The following MAPK6 variants were observed in gnomAD, a reference collection of about 807,000 sequenced individuals.
The protein encoded by MAPK6 is mitogen-activated protein kinase 6, also known as ERK-3.
A neutral mutation model predicts 59.3 loss-of-function variants in MAPK6; 19 were observed. The observed-to-expected ratio is 0.32, with a 90% confidence interval of 0.22 to 0.47. MAPK6 has a LOEUF of 0.47. MAPK6 is among the 20% of genes least tolerant of loss of function. The pLI is 1.00. For missense variants in MAPK6, 724 were observed against 847.9 expected, an observed-to-expected ratio of 0.85 and a Z score of 1.81; for synonymous variants, 316 against 290.3, an observed-to-expected ratio of 1.09 and a Z score of -0.90.
chr15:52,050,175 A>G lies in MAPK6; in HGVS notation c.700+38A>G, dbSNP rs544199006. The G allele has an allele frequency of 1.8e-5, 29 of 1,571,722 alleles. 1 individual carries two copies. The Admixed American group carries it at 6.1e-4, about 33-fold the overall frequency. ...TGGGGGGAAAAATTTTCCCAAAGAG[A>G]AGTAATTTTGCATTTTATCTCTGAA... On this transcript the variant is annotated intron_variant, in intron 3 of 5. Coordinates refer to ENST00000261845, the MANE Select transcript of MAPK6 (RefSeq NM_002748.4).
intron 2 of MAPK6, among the ~76,000 whole-genome samples, chr15:52,002,518 T>A (rs892779791): frequency 3.8e-4 from 58 of 152,134 alleles, no homozygotes; most frequent in African/African-American, 1.4e-3. Context: ...GGAGGGCCCT[T>A]GGGATCGACA....
intron 1 of MAPK6, among the ~76,000 whole-genome samples, chr15:51,972,715 G>T (rs1364038545): frequency 1.3e-5 from 2 of 150,544 alleles, no homozygotes; most frequent in Non-Finnish European, 3.0e-5. Flanking sequence ...CCAGCTACTA[G>T]GGAGGATGAG....
At chr15:52,047,067 A>G in intron 2 of MAPK6, 52 bp downstream of exon 2, 1 of 1,255,208 alleles carries the variant, frequency 8.0e-7, no homozygotes, top group Non-Finnish European at 1.1e-6. Context: ...ACACCTAATC[A>G]GGAATAGGTA....
At chr15:52,054,579 A>G (rs1456525199) in intron 3 of MAPK6, among the ~76,000 whole-genome samples, 1 of 152,144 alleles carries the variant, frequency 6.6e-6, no homozygotes, top group African/African-American at 2.4e-5. Flanking sequence ...ATGTGTTAGA[A>G]GTGAGTCACT....
intron 4 of MAPK6, among the ~76,000 whole-genome samples, chr15:52,060,149 A>C (rs2032143836): frequency 6.6e-6 from 1 of 152,176 alleles, no homozygotes; most frequent in African/African-American, 2.4e-5. Flanking sequence ...TGAGGCAGGA[A>C]GATTCCTTGA....
chr15:51,995,927 CA>C (rs11449755), intron 2 of MAPK6, among the ~76,000 whole-genome samples: 3 of 149,254 alleles, frequency 2.0e-5, no homozygotes, highest in South Asian at 4.2e-4. Context: ...GATTCCGTTT[CA>C]AAAAAAAAGA....
chr15:52,067,148 C>T lies in MAPK6; in HGVS notation c.*2148C>T, dbSNP rs1324713614. The T allele has an allele frequency of 6.6e-6, 1 of 152,146 alleles. No individual in the cohort carries two copies. The highest frequency in any genetic ancestry group is 1.5e-5 in the Non-Finnish European group (1 of 68,020). The allele number at this position is 152,146 out of a possible 1,614,324, so 9.4% of individuals were successfully genotyped here. ...ACCTAGGATTTTTCTTACTGGGAAA[C>T]TTGGCTCCTGGACTTAATCCACATT... On this transcript the variant is annotated 3_prime_UTR_variant, in exon 6 of 6. Coordinates refer to ENST00000261845, the MANE Select transcript of MAPK6 (RefSeq NM_002748.4).
chr15:51,979,188 G>A (rs2057165764), intron 1 of MAPK6, among the ~76,000 whole-genome samples: 4 of 140,880 alleles, frequency 2.8e-5, no homozygotes, highest in Admixed American at 7.5e-5. Flanking sequence ...AAGGAAGGAG[G>A]GAAAAGAGAA....
chr15:51,980,607 T>C (rs1431225851), intron 1 of MAPK6, among the ~76,000 whole-genome samples: 1 of 150,496 alleles, frequency 6.6e-6, no homozygotes, highest in African/African-American at 2.4e-5. Flanking sequence ...AGCTATTTTT[T>C]TTAGACAGAG....
At chr15:52,016,052 T>TCGCGCGCG (rs376275284), upstream of MAPK6, among the ~76,000 whole-genome samples, 183 of 68,640 alleles carry the variant, frequency 2.7e-3, 5 homozygotes, top group South Asian at 6.7e-3. Context: ...CCAAACTCCA[T>TCGCGCGCG]CGCGCGCGCG....
rs1566916273 is a variant in MAPK6 at position 52,064,379 on chromosome 15, T to G, written c.1545T>G (p.Ala515=). The change falls in exon 6 of 6, where the codon GCT becomes GCG. Residue 515 remains alanine, a synonymous_variant. Coordinates refer to ENST00000261845, the MANE Select transcript of MAPK6 (RefSeq NM_002748.4). ...IALEEASQQL[A]GKEREKNQGF... ...TAGAGGAAGCATCACAGCAACTGGC[T>G]GGAAAAGAAAGGGAAAAGAATCAGG... 2 of 1,611,906 alleles carry G rather than the reference T, an allele frequency of 1.2e-6. No individual in the cohort carries two copies. Among genetic ancestry groups the G allele is most frequent in the Non-Finnish European group, 1.7e-6 (2 of 1,179,818 alleles).
intron 2 of MAPK6, among the ~76,000 whole-genome samples, chr15:51,985,768 C>G (rs2057189157): frequency 6.6e-6 from 1 of 152,090 alleles, no homozygotes; most frequent in Non-Finnish European, 1.5e-5. Context: ...ACCATCCTGG[C>G]TAACACGGTG....
At chr15:51,983,433 C>T (rs567145893) in intron 2 of MAPK6, among the ~76,000 whole-genome samples, 1 of 152,180 alleles carries the variant, frequency 6.6e-6, no homozygotes, top group Non-Finnish European at 1.5e-5. Flanking sequence ...GAGCAGAGAT[C>T]ACGCCATTGC....
At chr15:51,995,634 AC>A (rs1465189621) in intron 2 of MAPK6, among the ~76,000 whole-genome samples, 1 of 152,202 alleles carries the variant, frequency 6.6e-6, no homozygotes, top group African/African-American at 2.4e-5. Flanking sequence ...ATCAAAACTT[AC>A]AGGCTTTCTA....
chr15:51,992,306 T>TATATATATA (rs369567502), intron 2 of MAPK6, among the ~76,000 whole-genome samples: 350 of 17,188 alleles, frequency 0.02, no homozygotes, highest in African/African-American at 0.032. Context: ...TATATATATA[T>TATATATATA]TTTTTTTTTT....
At chr15:52,033,881 CA>C in intron 1 of MAPK6, 1 of 148,994 alleles carries the variant, frequency 6.7e-6, no homozygotes, top group Admixed American at 6.7e-5. Context: ...TTCTGTTTTT[CA>C]TTGTTTCTAG....
At chr15:52,011,814 C>T (rs986710039) in intron 3 of MAPK6, among the ~76,000 whole-genome samples, 1 of 152,174 alleles carries the variant, frequency 6.6e-6, no homozygotes, top group Non-Finnish European at 1.5e-5. Flanking sequence ...TGTTTATTTA[C>T]AAATCAAATT....
intron 1 of MAPK6, among the ~76,000 whole-genome samples, chr15:52,042,995 C>T (rs982743525): frequency 1.3e-5 from 2 of 151,974 alleles, no homozygotes; most frequent in African/African-American, 4.8e-5. Context: ...GTGGTGACTC[C>T]TGCCTGTAGT....
chr15:51,978,137 A>ATTT (rs35197355), intron 1 of MAPK6, among the ~76,000 whole-genome samples: 3 of 147,360 alleles, frequency 2.0e-5, no homozygotes, highest in Non-Finnish European at 3.0e-5. Context: ...TGACAGTTTA[A>ATTT]TTTTTTTTTT....
Sources: allele counts gnomAD v4.1 joint callset (sites outside exome capture counted in the v4.1 genomes callset), GRCh38; gene constraint gnomAD v4.1.1; transcripts MANE v1.5; gene names NCBI Gene and HGNC (gene_info 2026-07-23, HGNC 2026-07-21).